The following SLC24A3 variants were observed in gnomAD, a reference collection of about 807,000 sequenced individuals.
SLC24A3 encodes the protein sodium/potassium/calcium exchanger 3.
SLC24A3 carries 28 observed loss-of-function variants against 75.8 expected under a neutral mutation model. The ratio of observed to expected loss-of-function variants is 0.37; its 90% CI spans 0.27 to 0.51. SLC24A3 has a LOEUF of 0.51. Ranked by LOEUF, SLC24A3 falls within the 20% of genes least tolerant of loss-of-function variation. The pLI, the probability that SLC24A3 is intolerant of heterozygous loss-of-function variation, is 0.94. For missense variants in SLC24A3, 663 were observed against 847.8 expected (o/e 0.78, Z 2.71); for synonymous variants, 372 against 334.1 (o/e 1.11, Z -1.24).
Position 19,272,888 on chromosome 20 carries a change from G to A in SLC24A3, c.143-8071G>A, listed in dbSNP as rs373734225. 2.0e-3 allele frequency among the ~76,000 whole-genome samples: 306 copies of A among 152,188 alleles called. 9 individuals carry two copies. In the South Asian group the frequency reaches 0.059, roughly 30 times the overall value. The stretch of plus-strand genomic sequence containing the variant: ...CCTGGAGCTTACAACCTGCGGGTGG[G>A]GGTCAGGGACGGGTGATGGAGTAAA... On this transcript the variant is annotated intron_variant, in intron 1 of 16. Coordinates refer to ENST00000328041, the MANE Select transcript of SLC24A3 (RefSeq NM_020689.4).
chr20:19,594,751 G>A (rs536341971), intron 6 of SLC24A3, among the ~76,000 whole-genome samples: 187 of 152,280 alleles, frequency 1.2e-3, no homozygotes, highest in African/African-American at 3.8e-3. Context: ...AATATAGTGG[G>A]ATAGTGGGAT....
intron 15 of SLC24A3, 59 bp downstream of exon 15, chr20:19,698,739 C>T: frequency 7.7e-7 from 1 of 1,297,402 alleles, no homozygotes; most frequent in Admixed American, 2.0e-5. Context: ...TGTGTTTTAA[C>T]AGCCTTGGCC....
intron 3 of SLC24A3, among the ~76,000 whole-genome samples, chr20:19,542,863 T>C (rs952972965): frequency 1.3e-5 from 2 of 152,076 alleles, no homozygotes; most frequent in Non-Finnish European, 2.9e-5. Context: ...TCCAGGATGG[T>C]CTATGGAGTT....
At chr20:19,254,269 G>A (rs1414112198) in intron 1 of SLC24A3, among the ~76,000 whole-genome samples, 2 of 152,150 alleles carry the variant, frequency 1.3e-5, no homozygotes, top group Non-Finnish European at 2.9e-5. Context: ...ACCTCACATG[G>A]TCCAGGGGTT....
At chr20:19,670,076 C>G (rs1163902812) in intron 8 of SLC24A3, among the ~76,000 whole-genome samples, 2 of 152,134 alleles carry the variant, frequency 1.3e-5, no homozygotes, top group African/African-American at 4.8e-5. Flanking sequence ...AGCACCTCCT[C>G]TACGCCAGGG....
At chr20:19,330,973 A>G (rs8125928) in intron 2 of SLC24A3, among the ~76,000 whole-genome samples, 3,171 of 152,276 alleles carry the variant, frequency 0.021, 106 homozygotes, top group African/African-American at 0.073. Context: ...CCCAATGAGG[A>G]ACATTCTATT....
chr20:19,419,950 G>C (rs534821104), intron 2 of SLC24A3, among the ~76,000 whole-genome samples: 2 of 115,550 alleles, frequency 1.7e-5, no homozygotes, highest in East Asian at 5.6e-4. Flanking sequence ...CTAGCATTAG[G>C]TATATCTCCC....
At chr20:19,665,303 A>T (rs901766639) in intron 7 of SLC24A3, among the ~76,000 whole-genome samples, 1 of 152,132 alleles carries the variant, frequency 6.6e-6, no homozygotes, top group Non-Finnish European at 1.5e-5. Context: ...GATGGCAAGG[A>T]GTGTTGATCC....
At chr20:19,359,433 G>A (rs1985747715) in intron 2 of SLC24A3, among the ~76,000 whole-genome samples, 1 of 152,166 alleles carries the variant, frequency 6.6e-6, no homozygotes, top group African/African-American at 2.4e-5. Context: ...CCCCAAAAGA[G>A]AGCTGCCAAC....
At chr20:19,476,098 A>T (rs1987958165) in intron 2 of SLC24A3, among the ~76,000 whole-genome samples, 1 of 152,236 alleles carries the variant, frequency 6.6e-6, no homozygotes, top group East Asian at 1.9e-4. Context: ...TTCTTCTGTC[A>T]GACCCACGCG....
At chr20:19,659,614 T>C (rs2032304021) in intron 7 of SLC24A3, among the ~76,000 whole-genome samples, 1 of 152,226 alleles carries the variant, frequency 6.6e-6, no homozygotes, top group Non-Finnish European at 1.5e-5. Context: ...GCAAGCAAGC[T>C]ATTTTGTGAG....
intron 15 of SLC24A3, among the ~76,000 whole-genome samples, chr20:19,710,795 A>C (rs2032978819): frequency 6.6e-6 from 1 of 152,252 alleles, no homozygotes; most frequent in Non-Finnish European, 1.5e-5. Context: ...TTTTTGTTGA[A>C]GTGTGGATTA....
At chr20:19,406,877 A>G (rs193158818) in intron 2 of SLC24A3, among the ~76,000 whole-genome samples, 1 of 152,318 alleles carries the variant, frequency 6.6e-6, no homozygotes, top group East Asian at 1.9e-4. Context: ...ATGAGGTACT[A>G]AGTTTCCAAG....
rs548789154 is a variant in SLC24A3, at chr20:19,409,847, G to GTATATATATATA, written c.272-105633_272-105622dup. Among the ~76,000 whole-genome samples, 5 of 146,284 alleles carry GTATATATATATA rather than the reference G, an allele frequency of 3.4e-5. 1 individual carries two copies. Among genetic ancestry groups the GTATATATATATA allele is most frequent in the African/African-American group, 1.3e-4 (5 of 39,678 alleles). ...ATATATATAATATGTGTGTGTGTGTGTATATATATATATATATATGTATTC... is the reference window on the plus strand; with the variant it reads ...ATATATATAATATGTGTGTGTGTGTGTATATATATATATATATATATATATATATATGTATTC... On this transcript the variant is annotated intron_variant, in intron 2 of 16. Transcript: ENST00000328041.
chr20:19,490,796 T>C lies in SLC24A3; in HGVS notation c.272-24692T>C, dbSNP rs368382309. ...TGCCTAGGGGGCAAATGGGGACTTA[T>C]ATCTCCCATCCTTGCTCTTTGCCAT... On this transcript the variant is annotated intron_variant, in intron 2 of 16. Transcript: ENST00000328041. Among the ~76,000 whole-genome samples, 14 of 152,294 alleles carry C rather than the reference T, an allele frequency of 9.2e-5. No homozygotes were observed. The East Asian group carries it at 2.1e-3, about 23-fold the overall frequency.
chr20:19,556,748 G>A (rs1036820475), intron 3 of SLC24A3, among the ~76,000 whole-genome samples: 6 of 152,012 alleles, frequency 3.9e-5, no homozygotes, highest in African/African-American at 1.4e-4. Flanking sequence ...CTCTCTTAAT[G>A]CACAGACAGG....
At chr20:19,276,463 A>G (rs576693911) in intron 1 of SLC24A3, among the ~76,000 whole-genome samples, 1 of 152,226 alleles carries the variant, frequency 6.6e-6, no homozygotes, top group Non-Finnish European at 1.5e-5. Flanking sequence ...ATAAATCTGG[A>G]TGGTATAGCC....
intron 2 of SLC24A3, among the ~76,000 whole-genome samples, chr20:19,464,948 T>C (rs1168352984): frequency 6.6e-6 from 1 of 152,248 alleles, no homozygotes; most frequent in Non-Finnish European, 1.5e-5. Context: ...TGGATCTTTC[T>C]GGAGTGATAA....
chr20:19,674,060 C>G (rs906732125), intron 9 of SLC24A3, among the ~76,000 whole-genome samples: 1 of 152,174 alleles, frequency 6.6e-6, no homozygotes, highest in East Asian at 1.9e-4. Flanking sequence ...GCCAGCCATC[C>G]GGTGGTCTGT....
Sources: gnomAD v4.1 joint callset for allele counts (sites outside exome capture counted in the v4.1 genomes callset) on GRCh38, gnomAD v4.1.1 for gene constraint, MANE v1.5 for transcripts, NCBI Gene and HGNC (gene_info 2026-07-23, HGNC 2026-07-21) for gene names.